Variants in ZNF831 observed in about 807,000 individuals in gnomAD.
ZNF831 encodes the protein zinc finger protein 831, also known as chromosome 20 open reading frame 174.
ZNF831 carries 59 observed loss-of-function variants against 95.8 expected under a neutral mutation model. The ratio of observed to expected loss-of-function variants is 0.62; its 90% CI spans 0.50 to 0.77. The LOEUF is 0.77. ZNF831 is among the 30% of genes least tolerant of loss of function. The probability of loss-of-function intolerance (pLI) is 0.00; values close to 1 mark genes in which losing one functional copy is unlikely to be tolerated. For missense variants in ZNF831, 2,205 were observed against 2,164.0 expected (o/e 1.02, Z -0.38); for synonymous variants, 961 against 925.5 (o/e 1.04, Z -0.70).
intron 4 of ZNF831, among the ~76,000 whole-genome samples, chr20:59,212,362 T>G (rs1477345900): frequency 6.6e-6 from 1 of 152,208 alleles, no homozygotes; most frequent in Non-Finnish European, 1.5e-5. Context: ...TGTACATCGA[T>G]TGGAGTCTGT....
chr20:59,192,783 G>T lies in ZNF831; in HGVS notation c.1764G>T (p.Lys588Asn), dbSNP rs552086601. ...ALVPAEDTDA[K>N]RTAAREAMAG... ...TGCCCGCAGAGGACACAGACGCAAAGAGAACTGCTGCGCGGGAGGCCATGG... is the reference window on the plus strand; with the variant it reads ...TGCCCGCAGAGGACACAGACGCAAATAGAACTGCTGCGCGGGAGGCCATGG... Residue 588 changes from lysine (K) to asparagine (N), a missense_variant, in exon 2 of 6, where the codon AAG (lysine) becomes AAT (asparagine). By Grantham distance (94) the Lys-to-Asn change is moderately conservative. Transcript: ENST00000371030. The surrounding 1 kb of genome is among the most constrained non-coding windows in gnomAD (Gnocchi z 5.2). 10 of 1,612,562 alleles carry T rather than the reference G, an allele frequency of 6.2e-6. No individual in the cohort carries two copies. In the East Asian group the frequency reaches 1.8e-4, roughly 29 times the overall value.
rs1555826629 is a variant in ZNF831 at position 59,192,823 on chromosome 20, G to A, written c.1804G>A (p.Ala602Thr). 1.2e-6 allele frequency: 2 copies of A among 1,609,902 alleles called. No individual in the cohort carries two copies. Among genetic ancestry groups the A allele is most frequent in the South Asian group, 2.2e-5 (2 of 90,558 alleles). Residue 602 changes from alanine to threonine, a missense_variant, in exon 2 of 6, where the codon GCG becomes ACG. Transcript: ENST00000371030. The surrounding 1 kb of genome is among the most constrained non-coding windows in gnomAD (Gnocchi z 5.2). ...GGAGGCCATGGCCGGCAAGGGCAGA[G>A]CGGGCGGCAGGAAGTGCGGCCAGAG... ...AREAMAGKGRAGGRKCGQRRL... is the reference protein window; with the variant it reads ...AREAMAGKGRTGGRKCGQRRL...
At chr20:59,213,294 A>AT (rs1218402677) in intron 4 of ZNF831, among the ~76,000 whole-genome samples, 1 of 152,124 alleles carries the variant, frequency 6.6e-6, no homozygotes, top group Non-Finnish European at 1.5e-5. Context: ...ATGGAGGTTT[A>AT]TTTTTATTTT....
At chr20:59,159,841 C>G (rs567965926), upstream of ZNF831, 1 of 152,422 alleles carries the variant, frequency 6.6e-6, no homozygotes, top group South Asian at 2.1e-4. Context: ...CATGACAGCA[C>G]CTGCATTGGA....
intron 1 of ZNF831, among the ~76,000 whole-genome samples, chr20:59,129,708 T>C (rs1979289595): frequency 6.6e-6 from 1 of 152,136 alleles, no homozygotes; most frequent in African/African-American, 2.4e-5. Flanking sequence ...GTAGCCCACC[T>C]CCCTAACCTC....
intron 4 of ZNF831, among the ~76,000 whole-genome samples, chr20:59,235,938 A>G (rs1986973171): frequency 6.6e-6 from 1 of 152,218 alleles, no homozygotes. Context: ...GGGGAGAAAT[A>G]TTTCCAAGGT....
chr20:59,150,082 C>A (rs1009934322), intron 2 of ZNF831, among the ~76,000 whole-genome samples: 2 of 152,226 alleles, frequency 1.3e-5, no homozygotes, highest in Non-Finnish European at 2.9e-5. Context: ...GGAAACGTGG[C>A]CTCACGTTCA....
rs373363940 is a variant in ZNF831 at position 59,195,560 on chromosome 20, C to T, written c.3739-309C>T. Among the ~76,000 whole-genome samples the T allele has an allele frequency of 3.3e-4, 50 of 152,200 alleles. 1 individual carries two copies. In the South Asian group the frequency reaches 6.8e-3, roughly 21 times the overall value. ...CAGTAGGGCCCCAGGGGTGTGGGGG[C>T]TCCCGGGGAGGTGGATTTAGGGGAT... On this transcript the variant is annotated intron_variant, in intron 2 of 5. Coordinates refer to ENST00000371030, the MANE Select transcript of ZNF831 (RefSeq NM_178457.3).
chr20:59,231,345 T>G (rs1238886455), intron 4 of ZNF831, among the ~76,000 whole-genome samples: 1 of 152,224 alleles, frequency 6.6e-6, no homozygotes, highest in Non-Finnish European at 1.5e-5. Context: ...AAAGTCCACA[T>G]GTGTTTTTCC....
At chr20:59,164,996 A>G (rs954079596) in intron 1 of ZNF831, among the ~76,000 whole-genome samples, 1 of 152,248 alleles carries the variant, frequency 6.6e-6, no homozygotes, top group Non-Finnish European at 1.5e-5. Context: ...TTAAAATAAT[A>G]TGCCTTTTAA....
intron 2 of ZNF831, among the ~76,000 whole-genome samples, chr20:59,150,227 A>G (rs554015809): frequency 1.3e-5 from 2 of 152,200 alleles, no homozygotes; most frequent in Non-Finnish European, 2.9e-5. Flanking sequence ...TTTTCCTCAC[A>G]TGCAACCTCT....
intron 4 of ZNF831, among the ~76,000 whole-genome samples, chr20:59,225,953 T>C (rs1211085359): frequency 1.3e-5 from 2 of 152,222 alleles, no homozygotes; most frequent in Non-Finnish European, 2.9e-5. Context: ...CAGGTCTCTG[T>C]TGATCCCTCT....
upstream of ZNF831, among the ~76,000 whole-genome samples, chr20:59,163,092 G>A (rs1372689540): frequency 6.7e-6 from 1 of 150,200 alleles, no homozygotes; most frequent in Non-Finnish European, 1.5e-5. Context: ...TTTGGCTCTC[G>A]GCTTGAACAT....
chr20:59,217,158 A>ACC lies in ZNF831; in HGVS notation c.4027+10102_4027+10103insCC, dbSNP rs1985740981. ...TCTGGAGTACATCTGACAGATCTTC[A>ACC]TCTCTGTGTGTGTGTGTGTGTGTGT... On this transcript the variant is annotated intron_variant, in intron 4 of 5. Coordinates refer to ENST00000371030, the MANE Select transcript of ZNF831 (RefSeq NM_178457.3). This position sits in a 1 kb window ranked among gnomAD's most constrained non-coding sequence, Gnocchi z 4.4. Among the ~76,000 whole-genome samples the ACC allele has an allele frequency of 8.5e-6, 1 of 117,512 alleles. No homozygotes were observed. Among genetic ancestry groups the ACC allele is most frequent in the African/African-American group, 4.3e-5 (1 of 23,200 alleles). 77.1% of individuals were successfully genotyped at this position (117,512 alleles called of 152,430 possible). A position where few individuals can be genotyped will look rare whatever the true frequency, so the allele number is the denominator to read the frequency against.
intron 1 of ZNF831, among the ~76,000 whole-genome samples, chr20:59,133,808 G>T (rs1979419357): frequency 6.6e-6 from 1 of 152,226 alleles, no homozygotes; most frequent in South Asian, 2.1e-4. Flanking sequence ...GAGCAAGAGT[G>T]CATGCCTCCC....
At position 59,192,052 on chromosome 20, in the gene ZNF831, G is replaced by A. The variant is rs1983599464; in HGVS notation, c.1033G>A (p.Gly345Arg). The A allele has an allele frequency of 6.2e-7, 1 of 1,608,226 alleles. No individual in the cohort carries two copies. Among genetic ancestry groups the A allele is most frequent in the African/African-American group, 1.3e-5 (1 of 75,002 alleles). ...GCGGAAGTGTGAGAGCACCGACTCGGGGTACCTGTCGCGCTCCGACAGCGC... is the reference window on the plus strand; with the variant it reads ...GCGGAAGTGTGAGAGCACCGACTCGAGGTACCTGTCGCGCTCCGACAGCGC... ...RLRKCESTDS[G>R]YLSRSDSAEQ... Residue 345 changes from glycine to arginine, a missense_variant, in exon 2 of 6, where the codon GGG becomes AGG. Gly to Arg is a moderately radical substitution (Grantham distance 125). Transcript: ENST00000371030. The surrounding 1 kb of genome is among the most constrained non-coding windows in gnomAD (Gnocchi z 5.2).
rs200117738 is a variant in ZNF831 at position 59,252,990 on chromosome 20, A to C, written c.4040A>C (p.Gln1347Pro). The C allele has an allele frequency of 1.7e-5, 27 of 1,613,760 alleles. No individual in the cohort carries two copies. The Middle Eastern group carries it at 1.5e-3, about 88-fold the overall frequency. Residue 1347 changes from glutamine to proline, a missense_variant, in exon 5 of 6, where the codon CAA (glutamine) becomes CCA (proline). Physicochemically the swap from Gln to Pro is moderately conservative, Grantham distance 76. Transcript: ENST00000371030. The part of the protein sequence containing the change: ...TSSEIAGLNL[Q>P]EEPSCATSES... ...TCTCCCCTTGCAGGTCTGAATCTGC[A>C]AGAGGAGCCATCTTGTGCCACCTCA...
intron 1 of ZNF831, among the ~76,000 whole-genome samples, chr20:59,186,878 G>A (rs1983091144): frequency 6.6e-6 from 1 of 151,828 alleles, no homozygotes; most frequent in South Asian, 2.1e-4. Flanking sequence ...GGGTGCAATG[G>A]TCTTCTGGGT....
At chr20:59,161,314 G>A (rs1431730710), upstream of ZNF831, among the ~76,000 whole-genome samples, 1 of 151,572 alleles carries the variant, frequency 6.6e-6, no homozygotes, top group Non-Finnish European at 1.5e-5. Flanking sequence ...GTCCCGCTCT[G>A]TAGTCCGGGC....
Sources: gnomAD v4.1 joint callset for allele counts (sites outside exome capture counted in the v4.1 genomes callset) on GRCh38, gnomAD v4.1.1 for gene constraint, Gnocchi (gnomAD v3.1) non-coding constraint, MANE v1.5 for transcripts, NCBI Gene and HGNC (gene_info 2026-07-23, HGNC 2026-07-21) for gene names.